The following XRRA1 variants were observed in gnomAD, a reference collection of about 807,000 sequenced individuals.
XRRA1 encodes the protein X-ray radiation resistance-associated protein 1.
In XRRA1, 69 loss-of-function variants were observed where a neutral mutation model predicts 80.2. The observed-to-expected ratio is 0.86, with a 90% CI of 0.71 to 1.05. The LOEUF (loss-of-function observed/expected upper bound fraction) is 1.05. XRRA1 is among the 50% of genes least tolerant of loss of function. The probability of loss-of-function intolerance (pLI) is 0.00; values close to 1 mark genes in which losing one functional copy is unlikely to be tolerated. For missense variants in XRRA1, 967 were observed against 976.4 expected, an observed-to-expected ratio of 0.99 and a Z score of 0.13; for synonymous variants, 348 against 389.9, an observed-to-expected ratio of 0.89 and a Z score of 1.27.
intron 2 of XRRA1, among the ~76,000 whole-genome samples, chr11:74,943,744 T>C (rs1946916120): frequency 6.6e-6 from 1 of 152,144 alleles, no homozygotes; most frequent in African/African-American, 2.4e-5. Flanking sequence ...TAATTTGCCA[T>C]TTTAGAACAA....
intron 12 of XRRA1, among the ~76,000 whole-genome samples, chr11:74,858,103 G>A (rs2041533792): frequency 6.6e-6 from 1 of 152,160 alleles, no homozygotes; most frequent in South Asian, 2.1e-4. Flanking sequence ...AAAGTTATGA[G>A]CAGAAATCAA....
intron 10 of XRRA1, among the ~76,000 whole-genome samples, chr11:74,872,532 A>G (rs1346047315): frequency 6.6e-6 from 1 of 152,112 alleles, no homozygotes; most frequent in Non-Finnish European, 1.5e-5. Flanking sequence ...CCCAAGGTGT[A>G]TCCATTAGTT....
chr11:74,867,911 G>A (rs1042239963), intron 10 of XRRA1, among the ~76,000 whole-genome samples: 9 of 106,032 alleles, frequency 8.5e-5, no homozygotes, highest in Non-Finnish European at 1.5e-4. Context: ...GGGGCCTATA[G>A]TCAATCTTTT....
chr11:74,881,328 C>T (rs1392038906), intron 10 of XRRA1, among the ~76,000 whole-genome samples: 1 of 151,584 alleles, frequency 6.6e-6, no homozygotes, highest in Non-Finnish European at 1.5e-5. Flanking sequence ...AGATCTTCCT[C>T]CATCCTTTTA....
At chr11:74,928,787 C>T (rs1463610644) in intron 6 of XRRA1, among the ~76,000 whole-genome samples, 5 of 152,100 alleles carry the variant, frequency 3.3e-5, no homozygotes, top group Non-Finnish European at 7.4e-5. Context: ...AGAATAATTT[C>T]CTGGAAGTAA....
At chr11:74,861,282 G>C (rs537781912) in intron 11 of XRRA1, among the ~76,000 whole-genome samples, 1 of 152,248 alleles carries the variant, frequency 6.6e-6, no homozygotes, top group Non-Finnish European at 1.5e-5. Flanking sequence ...CGCACAGCAG[G>C]AAGTGAGCAG....
chr11:74,927,445 T>C lies in XRRA1; in HGVS notation c.468A>G (p.Ala156=), dbSNP rs1296252056. 2 of 1,613,778 alleles carry C rather than the reference T, an allele frequency of 1.2e-6. No individual in the cohort carries two copies. Among genetic ancestry groups the C allele is most frequent in the East Asian group, 2.2e-5 (1 of 44,890 alleles). ...TFPALKELDL[A]FNGIKTIYVK... ...CGTAGATAGTTTTGATGCCATTAAA[T>C]GCGAGATCCAGTTCCTTTAGGGCTG... is the stretch of plus-strand genomic sequence containing the variant. Residue 156 remains alanine, a synonymous_variant, in exon 7 of 19, where the codon GCA becomes GCG. Coordinates refer to ENST00000684022, the MANE Select transcript of XRRA1 (RefSeq NM_001378157.1).
chr11:74,880,633 AT>A (rs1565306744), intron 10 of XRRA1, among the ~76,000 whole-genome samples: 7 of 151,240 alleles, frequency 4.6e-5, no homozygotes, highest in South Asian at 2.1e-4. Flanking sequence ...ACTGCTTTGA[AT>A]GCGTCCCAGA....
intron 8 of XRRA1, chr11:74,911,411 G>A (rs1030435653): frequency 6.6e-6 from 1 of 152,060 alleles, no homozygotes; most frequent in Admixed American, 6.6e-5. Context: ...GATTTCAACT[G>A]CTACTCTGAT....
At chr11:74,890,523 C>G (rs1399304378) in intron 10 of XRRA1, among the ~76,000 whole-genome samples, 2 of 152,100 alleles carry the variant, frequency 1.3e-5, no homozygotes, top group East Asian at 1.9e-4. Flanking sequence ...CATTCAAAAG[C>G]TAGCAGAAGG....
At chr11:74,936,403 A>G (rs143697247) in intron 4 of XRRA1, among the ~76,000 whole-genome samples, 2 of 152,382 alleles carry the variant, frequency 1.3e-5, no homozygotes, top group East Asian at 3.9e-4. Context: ...AGATCACCCC[A>G]AAGAGCACAG....
intron 8 of XRRA1, 109 bp downstream of exon 8, chr11:74,921,105 G>A: frequency 4.2e-6 from 6 of 1,433,442 alleles, no homozygotes; most frequent in Non-Finnish European, 5.7e-6. Context: ...CATTATCCCT[G>A]CTTTGAGCAC....
intron 8 of XRRA1, among the ~76,000 whole-genome samples, chr11:74,911,748 G>T (rs1364956996): frequency 6.6e-6 from 1 of 152,098 alleles, no homozygotes; most frequent in African/African-American, 2.4e-5. Flanking sequence ...GAGATGTGAA[G>T]AGAGAAAGGA....
rs185176018 is a variant in XRRA1 at position 74,856,488 on chromosome 11, C to A, written c.1170+2670G>T. Among the ~76,000 whole-genome samples, 567 of 152,286 alleles carry A rather than the reference C, an allele frequency of 3.7e-3. 3 individuals carry two copies. Among genetic ancestry groups the A allele is most frequent in the African/African-American group, 0.013 (541 of 41,556 alleles). On this transcript the variant is annotated intron_variant, in intron 12 of 18. Transcript: ENST00000684022. The stretch of plus-strand genomic sequence containing the variant: ...CCAGGACAATCATGCGGCCTGAAAT[C>A]TAAGGAAATACTGGCACCTCCAAGG...
intron 13 of XRRA1, 21 bp from the exon 14 acceptor site, chr11:74,851,224 T>A: frequency 6.3e-7 from 1 of 1,576,124 alleles, no homozygotes; most frequent in Non-Finnish European, 8.6e-7. Context: ...GATGGGAAAA[T>A]AAGATTACTA....
At chr11:74,843,685 G>C in intron 18 of XRRA1, 169 bp downstream of exon 18, 1 of 801,040 alleles carries the variant, frequency 1.2e-6, no homozygotes, top group Admixed American at 2.7e-5. Flanking sequence ...GTGATTTTAG[G>C]CAACTCCCTG....
chr11:74,898,395 C>T (rs1390660502), intron 10 of XRRA1, among the ~76,000 whole-genome samples: 1 of 152,042 alleles, frequency 6.6e-6, no homozygotes, highest in Non-Finnish European at 1.5e-5. Flanking sequence ...AACAAAATGG[C>T]AGGAGTAAGT....
intron 2 of XRRA1, 60 bp from the exon 3 acceptor site, chr11:74,940,942 CT>C: frequency 7.6e-7 from 1 of 1,312,650 alleles, no homozygotes. Context: ...GCAGAGCACT[CT>C]TACTCCAGTG....
chr11:74,862,711 CA>C (rs1756874499), intron 11 of XRRA1, among the ~76,000 whole-genome samples: 1 of 152,148 alleles, frequency 6.6e-6, no homozygotes, highest in Non-Finnish European at 1.5e-5. Context: ...CATGTGAGAA[CA>C]ATGAAAGTTA....
Sources: allele counts gnomAD v4.1 joint callset (sites outside exome capture counted in the v4.1 genomes callset), GRCh38; gene constraint gnomAD v4.1.1; transcripts MANE v1.5; gene names NCBI Gene and HGNC (gene_info 2026-07-23, HGNC 2026-07-21).